RBBP5: variants seen among roughly 807,000 people sequenced by gnomAD.
RBBP5 encodes RB binding protein 5, histone lysine methyltransferase complex subunit.
In RBBP5, 5 loss-of-function variants were observed where a neutral mutation model predicts 72.2. That is an observed-to-expected ratio of 0.07 (90% CI 0.04 to 0.15). The LOEUF is 0.15. RBBP5 is among the 10% of genes least tolerant of loss of function. The pLI is 1.00. For missense variants in RBBP5, 322 were observed against 652.2 expected (o/e 0.49, Z 5.51); for synonymous variants, 209 against 237.2 (o/e 0.88, Z 1.09).
chr1:205,116,211 A>G (rs1473428194), intron 1 of RBBP5: 1 of 429,062 alleles, frequency 2.3e-6, no homozygotes, highest in Non-Finnish European at 4.3e-6. Context: ...CAACAGTGGC[A>G]TTTTCCTCAC....
At chr1:205,113,286 C>G (rs1374123202) in intron 3 of RBBP5, among the ~76,000 whole-genome samples, 1 of 145,210 alleles carries the variant, frequency 6.9e-6, no homozygotes, top group Non-Finnish European at 1.5e-5. Flanking sequence ...GGTAAGAGTT[C>G]TTTTTTTTTT....
chr1:205,094,201 T>C (rs982934440), intron 13 of RBBP5, among the ~76,000 whole-genome samples: 6 of 152,178 alleles, frequency 3.9e-5, no homozygotes, highest in Non-Finnish European at 5.9e-5. Context: ...AAGGCTTAGG[T>C]GTTAAGAAAC....
intron 5 of RBBP5, among the ~76,000 whole-genome samples, chr1:205,102,307 GGAGTATTATT>G (rs1313368094): frequency 1.3e-5 from 2 of 152,140 alleles, no homozygotes; most frequent in Non-Finnish European, 2.9e-5. Flanking sequence ...AACATAAAAT[GGAGTATTATT>G]GAGCCTTGAG....
intron 5 of RBBP5, among the ~76,000 whole-genome samples, chr1:205,103,399 G>A (rs180994596): frequency 6.6e-6 from 1 of 152,266 alleles, no homozygotes; most frequent in Admixed American, 6.5e-5. Context: ...TTATTCCACA[G>A]AAGAAACACC....
chr1:205,089,981 A>G (rs956632228), intron 13 of RBBP5, among the ~76,000 whole-genome samples: 8 of 152,048 alleles, frequency 5.3e-5, no homozygotes, highest in African/African-American at 1.9e-4. Context: ...CCTCCTAAGT[A>G]GCTGGGATTA....
chr1:205,100,823 T>C (rs1025264611), intron 6 of RBBP5, among the ~76,000 whole-genome samples: 1 of 152,230 alleles, frequency 6.6e-6, no homozygotes, highest in African/African-American at 2.4e-5. Flanking sequence ...GGGACTGGTT[T>C]TGTGGAAGAC....
At chr1:205,105,441 G>C (rs572086399) in intron 3 of RBBP5, among the ~76,000 whole-genome samples, 190 of 152,230 alleles carry the variant, frequency 1.2e-3, no homozygotes, top group Non-Finnish European at 2.3e-3. Flanking sequence ...AAACATCTTA[G>C]AAGAGTCTAA....
chr1:205,120,588 C>G (rs1246663305), intron 1 of RBBP5, among the ~76,000 whole-genome samples: 2 of 152,134 alleles, frequency 1.3e-5, no homozygotes, highest in African/African-American at 4.8e-5. Context: ...TTGAGACCAG[C>G]CTGGCCAACA....
intron 10 of RBBP5, among the ~76,000 whole-genome samples, chr1:205,098,674 T>C (rs1432237783): frequency 1.3e-5 from 2 of 151,844 alleles, no homozygotes; most frequent in Non-Finnish European, 2.9e-5. Flanking sequence ...GGAAACCCCA[T>C]CTCTACTAAA....
intron 3 of RBBP5, among the ~76,000 whole-genome samples, chr1:205,106,551 T>A (rs1449909610): frequency 2.0e-5 from 3 of 150,926 alleles, no homozygotes; most frequent in African/African-American, 7.3e-5. Flanking sequence ...TGACCCAAGA[T>A]GGCGCCACTG....
At chr1:205,094,797 G>A in intron 13 of RBBP5, 76 bp downstream of exon 13, 3 of 1,383,364 alleles carry the variant, frequency 2.2e-6, no homozygotes, top group Non-Finnish European at 9.7e-7. Flanking sequence ...AAAAAATGTT[G>A]CAGTTAAATG....
rs1254595332 is a variant in RBBP5 at position 205,087,647 on chromosome 1, C to G, written c.*1140G>C. The G allele has an allele frequency of 1.3e-5, 2 of 151,704 alleles. No individual in the cohort carries two copies. Among genetic ancestry groups the G allele is most frequent in the East Asian group, 3.9e-4 (2 of 5,178 alleles). The allele number at this position is 151,704 out of a possible 1,614,324, so 9.4% of individuals were successfully genotyped here. On this transcript the variant is annotated 3_prime_UTR_variant, in exon 14 of 14. Transcript: ENST00000264515. Reference sequence around the variant, plus strand: ...AGAAGCTACTGAGCCCTTTTCACACCTGGTTTCCTAATGGGATTTTCAGAG... The same window carrying G: ...AGAAGCTACTGAGCCCTTTTCACACGTGGTTTCCTAATGGGATTTTCAGAG...
chr1:205,102,970 GCAA>G (rs1254410394), intron 5 of RBBP5, among the ~76,000 whole-genome samples: 1 of 142,786 alleles, frequency 7.0e-6, no homozygotes, highest in African/African-American at 2.7e-5. Context: ...TCCAGCCTGG[GCAA>G]CAACAAGAGC....
chr1:205,114,739 GTCA>G, intron 3 of RBBP5, 47 bp downstream of exon 3: 1 of 1,406,398 alleles, frequency 7.1e-7, no homozygotes, highest in South Asian at 1.4e-5. Flanking sequence ...CAAATATATA[GTCA>G]TCATTCATTC....
At position 205,105,275 on chromosome 1, in the gene RBBP5, A is replaced by G. The variant is rs910943792; in HGVS notation, c.219-107T>C. 3.0e-6 allele frequency: 4 copies of G among 1,332,652 alleles called. No individual in the cohort carries two copies. The African/African-American group carries it at 5.8e-5, about 19-fold the overall frequency. The allele number at this position is 1,332,652 out of a possible 1,614,324, so 82.6% of individuals were successfully genotyped here. Reference sequence around the variant, plus strand: ...CATTGCTGCAACTGCACAGGTCAACAATGTTTTTGGTTTTGTTCCACGTAT... The same window carrying G: ...CATTGCTGCAACTGCACAGGTCAACGATGTTTTTGGTTTTGTTCCACGTAT... On this transcript the variant is annotated intron_variant, in intron 3 of 13. Coordinates refer to ENST00000264515, the MANE Select transcript of RBBP5 (RefSeq NM_005057.4).
intron 3 of RBBP5, among the ~76,000 whole-genome samples, chr1:205,106,231 G>C (rs4950981): frequency 0.8 from 122,422 of 152,128 alleles, 50,298 homozygotes; most frequent in East Asian, 0.97. Context: ...CCACCTCTGG[G>C]AATAACAAGA....
Position 205,102,101 on chromosome 1 carries a change from G to C in RBBP5, c.523-392C>G, listed in dbSNP as rs189423583. ...AGTAGAGACAGGGTTTCTTCATGTT[G>C]GTCAGGCTGGTCTCAAACTCCCAAC... is the stretch of plus-strand genomic sequence containing the variant. On this transcript the variant is annotated intron_variant, in intron 5 of 13. Coordinates refer to ENST00000264515, the MANE Select transcript of RBBP5 (RefSeq NM_005057.4). 9.3e-4 allele frequency among the ~76,000 whole-genome samples: 142 copies of C among 152,106 alleles called. 1 individual carries two copies. Among genetic ancestry groups the C allele is most frequent in the African/African-American group, 3.2e-3 (134 of 41,476 alleles).
intron 6 of RBBP5, 146 bp from the exon 7 acceptor site, chr1:205,100,417 C>A: frequency 9.6e-7 from 1 of 1,039,582 alleles, no homozygotes; most frequent in Non-Finnish European, 1.4e-6. Flanking sequence ...TCTCCCAAAC[C>A]AAAATACAAT....
At chr1:205,108,452 G>A (rs1656171247) in intron 3 of RBBP5, among the ~76,000 whole-genome samples, 2 of 152,158 alleles carry the variant, frequency 1.3e-5, no homozygotes, top group African/African-American at 4.8e-5. Flanking sequence ...CTTATCACCA[G>A]TAGACTGTGG....
Sources: allele counts gnomAD v4.1 joint callset (sites outside exome capture counted in the v4.1 genomes callset), GRCh38; gene constraint gnomAD v4.1.1; transcripts MANE v1.5; gene names NCBI Gene and HGNC (gene_info 2026-07-23, HGNC 2026-07-21).